LARS2: variants seen among roughly 807,000 people sequenced by gnomAD.
The protein encoded by LARS2 is leucyl-tRNA synthetase 2, mitochondrial, also known as leucine--tRNA ligase, mitochondrial.
In LARS2, 81 loss-of-function variants were observed where a neutral mutation model predicts 116.6. The observed-to-expected ratio is 0.69, with a 90% CI of 0.58 to 0.84. The LOEUF is 0.84. Among genes scored for constraint, LARS2 ranks in the 40% least tolerant of loss-of-function variants. LARS2 has a pLI of 0.00. For synonymous variants in LARS2, 396 were observed against 407.2 expected (o/e 0.97, Z 0.33); for missense variants, 968 against 1,114.5 (o/e 0.87, Z 1.87).
chr3:45,440,604 C>T (rs1191423201), intron 6 of LARS2, among the ~76,000 whole-genome samples: 4 of 151,022 alleles, frequency 2.6e-5, no homozygotes, highest in African/African-American at 7.3e-5. Flanking sequence ...TTATTAAATT[C>T]CTGGTAGCTA....
chr3:45,428,428 G>A (rs1369880912), intron 6 of LARS2, among the ~76,000 whole-genome samples: 2 of 150,888 alleles, frequency 1.3e-5, no homozygotes, highest in African/African-American at 4.9e-5. Context: ...TATATTTTTA[G>A]TAGAGACAGG....
chr3:45,510,706 G>A (rs1474959783), intron 15 of LARS2, among the ~76,000 whole-genome samples: 2 of 152,224 alleles, frequency 1.3e-5, no homozygotes, highest in African/African-American at 4.8e-5. Context: ...GGGAGTGGCA[G>A]GGGACAGGGA....
intron 15 of LARS2, among the ~76,000 whole-genome samples, chr3:45,508,772 A>C (rs1201285686): frequency 2.0e-5 from 3 of 151,798 alleles, no homozygotes; most frequent in South Asian, 4.1e-4. Flanking sequence ...AAGAGCACTT[A>C]ACATGGCCAA....
chr3:45,524,215 C>T lies in LARS2; in HGVS notation c.2404+107C>T, dbSNP rs578200901. The T allele has an allele frequency of 2.5e-5, 18 of 709,150 alleles. No homozygotes were observed. In the South Asian group the frequency reaches 3.0e-4, roughly 12 times the overall value. 43.9% of individuals were successfully genotyped at this position (709,150 alleles called of 1,614,324 possible). On this transcript the variant is annotated intron_variant, in intron 20 of 21. Coordinates refer to ENST00000645846, the MANE Select transcript of LARS2 (RefSeq NM_015340.4). ...AGATGTCCTCAGATATAGGGTCCAA[C>T]ATTTGGCATCTATACTCAGCAACCT...
chr3:45,423,496 G>A (rs1698546862), intron 6 of LARS2, among the ~76,000 whole-genome samples: 1 of 152,046 alleles, frequency 6.6e-6, no homozygotes, highest in Non-Finnish European at 1.5e-5. Context: ...TATTGTTGAA[G>A]AGACGGGGTT....
rs1276060297 is a variant in LARS2 at position 45,541,863 on chromosome 3, C to G, written c.2439C>G (p.His813Gln). Residue 813 changes from histidine (H) to glutamine (Q), a missense_variant, in exon 21 of 22, where the codon CAC becomes CAG. By Grantham distance (24) the His-to-Gln change is conservative (BLOSUM62 0). Coordinates refer to ENST00000645846, the MANE Select transcript of LARS2 (RefSeq NM_015340.4). Reference protein sequence around the residue: ...LALVPRKLCAHYTWDASVLLQ... With the variant: ...LALVPRKLCAQYTWDASVLLQ... ...TGGTGCCGAGGAAGCTCTGTGCCCA[C>G]TACACTTGGGATGCCAGTGTGCTGC... 6.2e-7 allele frequency: 1 copy of G among 1,614,230 alleles called. No homozygotes were observed. The highest frequency in any genetic ancestry group is 8.5e-7 in the Non-Finnish European group (1 of 1,180,032).
intron 12 of LARS2, 21 bp from the exon 13 acceptor site, chr3:45,491,496 T>C: frequency 6.2e-7 from 1 of 1,611,524 alleles, no homozygotes; most frequent in Non-Finnish European, 8.5e-7. Context: ...AGGAGTGAGC[T>C]TTCTTTTCTT....
At chr3:45,448,026 T>C (rs1699049762) in intron 7 of LARS2, among the ~76,000 whole-genome samples, 1 of 152,088 alleles carries the variant, frequency 6.6e-6, no homozygotes, top group Non-Finnish European at 1.5e-5. Context: ...TGCAGGAGGA[T>C]TGCTTGATGC....
At chr3:45,446,846 G>GT (rs773010596) in intron 6 of LARS2, 45 bp from the exon 7 acceptor site, 3 of 1,134,138 alleles carry the variant, frequency 2.6e-6, no homozygotes, top group Middle Eastern at 4.0e-4. Context: ...TGGCTGGGGG[G>GT]ATGTTTATAA....
At chr3:45,539,332 T>G (rs966823072) in intron 20 of LARS2, among the ~76,000 whole-genome samples, 1 of 152,112 alleles carries the variant, frequency 6.6e-6, no homozygotes, top group Non-Finnish European at 1.5e-5. Context: ...AACATAGTCT[T>G]TAAAAAAGAA....
At chr3:45,419,556 AC>A in intron 5 of LARS2, 112 bp from the exon 6 acceptor site, 1 of 813,434 alleles carries the variant, frequency 1.2e-6, no homozygotes, top group Admixed American at 2.2e-5. Context: ...AACACTTAAA[AC>A]CCATTTGAAT....
chr3:45,493,651 C>T (rs1031933352), intron 13 of LARS2, among the ~76,000 whole-genome samples: 17 of 152,260 alleles, frequency 1.1e-4, no homozygotes, highest in Middle Eastern at 3.4e-3. Flanking sequence ...AATACTTCTG[C>T]GGTACTTGGC....
intron 14 of LARS2, among the ~76,000 whole-genome samples, chr3:45,497,806 CTG>C (rs2125737971): frequency 6.6e-6 from 1 of 152,108 alleles, no homozygotes; most frequent in South Asian, 2.1e-4. Flanking sequence ...ACTCAGGAGT[CTG>C]AGACAGGAGA....
At chr3:45,445,058 C>T (rs1698996396) in intron 6 of LARS2, among the ~76,000 whole-genome samples, 7 of 152,146 alleles carry the variant, frequency 4.6e-5, no homozygotes, top group Admixed American at 4.6e-4. Flanking sequence ...ATACTACCTC[C>T]ACCCCTTACC....
At chr3:45,495,621 T>C (rs922214239) in intron 13 of LARS2, 1 of 152,218 alleles carries the variant, frequency 6.6e-6, no homozygotes, top group African/African-American at 2.4e-5. Context: ...AAAGTAGGCA[T>C]TGGCGAAGGC....
intron 7 of LARS2, among the ~76,000 whole-genome samples, chr3:45,455,669 T>C (rs1337990616): frequency 3.3e-5 from 5 of 152,066 alleles, no homozygotes; most frequent in African/African-American, 9.7e-5. Flanking sequence ...CTGAAATCAG[T>C]GTGTTGGAGG....
chr3:45,473,296 A>G (rs1699557677), intron 8 of LARS2, among the ~76,000 whole-genome samples: 1 of 152,274 alleles, frequency 6.6e-6, no homozygotes, highest in East Asian at 1.9e-4. Context: ...AGCCTATTGA[A>G]TTATTTTAAA....
At chr3:45,432,445 C>A (rs554962604) in intron 6 of LARS2, among the ~76,000 whole-genome samples, 1 of 152,170 alleles carries the variant, frequency 6.6e-6, no homozygotes, top group East Asian at 1.9e-4. Context: ...TATAAAGCAT[C>A]TTCTCAGACC....
intron 6 of LARS2, among the ~76,000 whole-genome samples, chr3:45,422,994 TA>T (rs1488404486): frequency 6.6e-6 from 1 of 152,244 alleles, no homozygotes; most frequent in Admixed American, 6.5e-5. Flanking sequence ...ATTTTCTAAT[TA>T]AACTTTTTAA....
Sources: gnomAD v4.1 joint callset for allele counts (sites outside exome capture counted in the v4.1 genomes callset) on GRCh38, gnomAD v4.1.1 for gene constraint, MANE v1.5 for transcripts, NCBI Gene and HGNC (gene_info 2026-07-23, HGNC 2026-07-21) for gene names.